RALGPS2: variants seen among roughly 807,000 people sequenced by gnomAD.
RALGPS2 encodes the protein ras-specific guanine nucleotide-releasing factor RalGPS2.
In RALGPS2, 43 loss-of-function variants were observed where a neutral mutation model predicts 86.8. The ratio of observed to expected loss-of-function variants is 0.50; its 90% confidence interval spans 0.39 to 0.64. The LOEUF (loss-of-function observed/expected upper bound fraction) is 0.64, where lower values mean the gene tolerates loss of function less well. Ranked by LOEUF, RALGPS2 falls within the 30% of genes least tolerant of loss-of-function variation. The pLI, the probability that RALGPS2 is intolerant of heterozygous loss-of-function variation, is 0.00. For missense variants in RALGPS2, 536 were observed against 694.6 expected (o/e 0.77, Z 2.57); for synonymous variants, 243 against 231.3 (o/e 1.05, Z -0.46).
intron 14 of RALGPS2, among the ~76,000 whole-genome samples, chr1:178,890,863 T>G: frequency 6.6e-6 from 1 of 152,052 alleles, no homozygotes; most frequent in East Asian, 1.9e-4. Context: ...TTACTTCTGA[T>G]CTGTTCATTT....
chr1:178,807,052 T>A (rs921006471), intron 4 of RALGPS2, among the ~76,000 whole-genome samples: 6 of 152,292 alleles, frequency 3.9e-5, no homozygotes, highest in South Asian at 2.1e-4. Context: ...TACTACCGTA[T>A]CTGGGTGTGA....
chr1:178,754,281 T>A (rs185097920), intron 1 of RALGPS2, among the ~76,000 whole-genome samples: 12 of 151,700 alleles, frequency 7.9e-5, no homozygotes, highest in African/African-American at 2.7e-4. Flanking sequence ...TAATTTCTTA[T>A]ATAGTATATA....
chr1:178,726,854 TAA>T (rs1650043802), intron 1 of RALGPS2, among the ~76,000 whole-genome samples: 1 of 152,242 alleles, frequency 6.6e-6, no homozygotes, highest in Non-Finnish European at 1.5e-5. Flanking sequence ...TTGCTCATTA[TAA>T]AGCCTGTTCC....
At chr1:178,819,014 G>T in intron 6 of RALGPS2, among the ~76,000 whole-genome samples, 1 of 148,998 alleles carries the variant, frequency 6.7e-6, no homozygotes, top group Non-Finnish European at 1.5e-5. Context: ...TTTGAGACAG[G>T]GTCTTGCTGG....
intron 12 of RALGPS2, chr1:178,885,629 A>G (rs573356841): frequency 5.1e-6 from 1 of 195,966 alleles, no homozygotes; most frequent in Non-Finnish European, 1.0e-5. Context: ...TAACTTCATT[A>G]GTTTTGCAGT....
intron 4 of RALGPS2, among the ~76,000 whole-genome samples, chr1:178,795,602 TG>T (rs1037186921): frequency 5.9e-5 from 9 of 152,044 alleles, no homozygotes; most frequent in African/African-American, 2.2e-4. Flanking sequence ...TTAGTAGAGA[TG>T]GGGTTTCACC....
chr1:178,769,579 A>C (rs1380767852), intron 1 of RALGPS2, among the ~76,000 whole-genome samples: 2 of 151,164 alleles, frequency 1.3e-5, no homozygotes, highest in African/African-American at 4.9e-5. Flanking sequence ...AAATTTCTGG[A>C]TTTATGCCTG....
At chr1:178,858,447 A>G (rs1657736538) in intron 8 of RALGPS2, among the ~76,000 whole-genome samples, 1 of 152,164 alleles carries the variant, frequency 6.6e-6, no homozygotes, top group Non-Finnish European at 1.5e-5. Flanking sequence ...ATTTTCAGAA[A>G]TAAATTGATT....
chr1:178,886,805 C>T (rs574241034), intron 13 of RALGPS2, among the ~76,000 whole-genome samples: 2 of 152,114 alleles, frequency 1.3e-5, no homozygotes, highest in East Asian at 3.9e-4. Context: ...AAAACAAAAG[C>T]CCAGTAGATG....
intron 1 of RALGPS2, chr1:178,747,667 T>G (rs1651411253): frequency 6.6e-7 from 1 of 1,522,348 alleles, no homozygotes; most frequent in Admixed American, 1.7e-5. Flanking sequence ...ATTTTGCAGT[T>G]TAACACAACT....
intron 4 of RALGPS2, among the ~76,000 whole-genome samples, chr1:178,804,049 TC>T (rs1654611147): frequency 2.0e-5 from 3 of 151,186 alleles, no homozygotes; most frequent in African/African-American, 4.8e-5. Context: ...TCCTCAATCT[TC>T]CCCTGACTCA....
chr1:178,865,792 T>G, intron 8 of RALGPS2: 1 of 1,535,820 alleles, frequency 6.5e-7, no homozygotes, highest in Non-Finnish European at 8.8e-7. Flanking sequence ...AATGAGGTTG[T>G]AAAATGATGT....
Position 178,746,790 on chromosome 1 carries a change from T to C in RALGPS2, c.-84+21371T>C, listed in dbSNP as rs1156560775. 6 of 947,466 alleles carry C rather than the reference T, an allele frequency of 6.3e-6. No homozygotes were observed. The African/African-American group carries it at 9.6e-5, about 15-fold the overall frequency. 58.7% of individuals were successfully genotyped at this position (947,466 alleles called of 1,614,324 possible). A position where few individuals can be genotyped will look rare whatever the true frequency, so the allele number is the denominator to read the frequency against. ...GTGGTGGCCTTTCTGTCCTCTCACA[T>C]ACGTTTCCGTAGAACACTCTCATTG... On this transcript the variant is annotated intron_variant, in intron 1 of 19. Coordinates refer to ENST00000367635, the MANE Select transcript of RALGPS2 (RefSeq NM_152663.5).
rs567246165 is a variant in RALGPS2 at position 178,827,647 on chromosome 1, G to A, written c.481-5777G>A. On this transcript the variant is annotated intron_variant, in intron 7 of 19. Transcript: ENST00000367635. ...CCTGACCTCGTGATCCGCCCGCCTC[G>A]GCCTCCCAAAGTGCTGGGATTACAG... Among the ~76,000 whole-genome samples the A allele has an allele frequency of 2.6e-5, 4 of 151,846 alleles. No homozygotes were observed. In the South Asian group the frequency reaches 6.2e-4, roughly 24 times the overall value.
At chr1:178,781,497 C>A (rs1653393189) in intron 2 of RALGPS2, among the ~76,000 whole-genome samples, 3 of 152,132 alleles carry the variant, frequency 2.0e-5, no homozygotes, top group African/African-American at 4.8e-5. Context: ...TTGCTATTCT[C>A]CTGGTGAACA....
chr1:178,817,029 G>A (rs1655263539), intron 6 of RALGPS2, among the ~76,000 whole-genome samples: 1 of 151,714 alleles, frequency 6.6e-6, no homozygotes, highest in Non-Finnish European at 1.5e-5. Context: ...TGTGTCTGGT[G>A]GAAGGTGTAG....
intron 1 of RALGPS2, among the ~76,000 whole-genome samples, chr1:178,765,737 G>A (rs1215422426): frequency 6.6e-6 from 1 of 152,142 alleles, no homozygotes; most frequent in African/African-American, 2.4e-5. Flanking sequence ...CATTCCCAAA[G>A]CGGCCATTTC....
chr1:178,816,738 T>G (rs1001079102), intron 6 of RALGPS2, among the ~76,000 whole-genome samples: 4 of 151,652 alleles, frequency 2.6e-5, no homozygotes, highest in African/African-American at 9.7e-5. Flanking sequence ...GATGGAGTTT[T>G]GCTCATGTCA....
chr1:178,815,574 A>G (rs149549947), intron 6 of RALGPS2, among the ~76,000 whole-genome samples: 3 of 152,228 alleles, frequency 2.0e-5, no homozygotes, highest in Non-Finnish European at 4.4e-5. Context: ...TGGCTGCTAT[A>G]ACAAAAATAC....
Sources: gnomAD v4.1 joint callset for allele counts (sites outside exome capture counted in the v4.1 genomes callset) on GRCh38, gnomAD v4.1.1 for gene constraint, MANE v1.5 for transcripts, NCBI Gene and HGNC (gene_info 2026-07-23, HGNC 2026-07-21) for gene names.